The following CSMD1 variants were observed in gnomAD, a reference collection of about 807,000 sequenced individuals.
CSMD1 encodes CUB and sushi domain-containing protein 1.
Under a neutral mutation model 417.5 loss-of-function variants are expected in CSMD1, and 213 were observed. The ratio of observed to expected loss-of-function variants is 0.51; its 90% confidence interval spans 0.46 to 0.57. The LOEUF (loss-of-function observed/expected upper bound fraction) is 0.57. CSMD1 is among the 20% of genes least tolerant of loss of function. CSMD1 has a pLI of 0.00. For missense variants in CSMD1, 6,923 were observed against 4,529.7 expected, an observed-to-expected ratio of 1.53 and a Z score of -15.17; for synonymous variants, 2,862 against 1,736.8, an observed-to-expected ratio of 1.65 and a Z score of -16.11.
chr8:4,952,863 G>A (rs940849766), intron 1 of CSMD1, among the ~76,000 whole-genome samples: 5 of 152,108 alleles, frequency 3.3e-5, no homozygotes, highest in Admixed American at 2.0e-4. Context: ...CTTGTTGGAT[G>A]TAGACTGTGA....
chr8:4,497,449 T>A (rs1802035841), intron 2 of CSMD1, among the ~76,000 whole-genome samples: 1 of 152,222 alleles, frequency 6.6e-6, no homozygotes. Flanking sequence ...ATGCATAACC[T>A]TTCCAGGCCC....
At chr8:4,433,642 C>G (rs917575736) in intron 2 of CSMD1, among the ~76,000 whole-genome samples, 1 of 152,198 alleles carries the variant, frequency 6.6e-6, no homozygotes. Context: ...ATGCTCAAAT[C>G]TGCCCTTGTC....
chr8:3,074,229 C>T (rs1396126329), intron 49 of CSMD1, among the ~76,000 whole-genome samples: 1 of 152,228 alleles, frequency 6.6e-6, no homozygotes, highest in Non-Finnish European at 1.5e-5. Context: ...AAAGGCTCTC[C>T]CTCACATCCA....
intron 1 of CSMD1, chr8:4,787,730 G>A (rs1447154936): frequency 7.6e-6 from 12 of 1,589,170 alleles, no homozygotes; most frequent in South Asian, 1.1e-5. Flanking sequence ...GACCCACAGT[G>A]GTCTGAGGAA....
intron 49 of CSMD1, among the ~76,000 whole-genome samples, chr8:3,064,259 T>C (rs949448880): frequency 2.0e-5 from 3 of 152,220 alleles, no homozygotes; most frequent in African/African-American, 4.8e-5. Context: ...AAATCTCATG[T>C]TGAATTGGCG....
At chr8:4,283,843 G>T (rs898959856) in intron 3 of CSMD1, among the ~76,000 whole-genome samples, 22 of 152,246 alleles carry the variant, frequency 1.4e-4, no homozygotes, top group African/African-American at 1.9e-4. Context: ...CAGAAGCATG[G>T]CTAACAGTTT....
At chr8:4,401,918 G>A (rs1804671253) in intron 3 of CSMD1, among the ~76,000 whole-genome samples, 1 of 151,840 alleles carries the variant, frequency 6.6e-6, no homozygotes, top group Non-Finnish European at 1.5e-5. Flanking sequence ...TCCTCTTATT[G>A]AAGCCATCCA....
At chr8:3,721,761 T>C (rs1020099279) in intron 6 of CSMD1, among the ~76,000 whole-genome samples, 2 of 152,184 alleles carry the variant, frequency 1.3e-5, no homozygotes, top group African/African-American at 4.8e-5. Flanking sequence ...ATTCTTTACA[T>C]GAGGATAATA....
chr8:3,144,079 G>A (rs528892778), intron 40 of CSMD1, among the ~76,000 whole-genome samples: 5 of 152,168 alleles, frequency 3.3e-5, no homozygotes, highest in Non-Finnish European at 5.9e-5. Flanking sequence ...GCATCACGTA[G>A]GGCCAACAGT....
intron 3 of CSMD1, among the ~76,000 whole-genome samples, chr8:4,077,747 C>G (rs1459583925): frequency 1.3e-5 from 2 of 152,122 alleles, no homozygotes; most frequent in African/African-American, 2.4e-5. Context: ...TCTCTTGTCC[C>G]AATGCTATTG....
intron 44 of CSMD1, 86 bp from the exon 45 acceptor site, chr8:3,107,884 T>C: frequency 1.2e-6 from 1 of 842,488 alleles, no homozygotes; most frequent in Non-Finnish European, 1.9e-6. Flanking sequence ...ATCTTGCAGT[T>C]GTTATAATGC....
intron 4 of CSMD1, among the ~76,000 whole-genome samples, chr8:4,029,873 C>G (rs1236097856): frequency 6.6e-6 from 1 of 150,744 alleles, no homozygotes; most frequent in Non-Finnish European, 1.5e-5. Context: ...GTAAATACAG[C>G]CATTCAAAAA....
intron 1 of CSMD1, among the ~76,000 whole-genome samples, chr8:4,882,199 G>C (rs545266665): frequency 6.6e-6 from 1 of 152,060 alleles, no homozygotes; most frequent in South Asian, 2.1e-4. Context: ...GGTGTACACT[G>C]CGTGGTGGAT....
chr8:4,697,102 G>C lies in CSMD1; in HGVS notation c.86-59544C>G, dbSNP rs374564111. On this transcript the variant is annotated intron_variant, in intron 1 of 69. Coordinates refer to ENST00000635120, the MANE Select transcript of CSMD1 (RefSeq NM_033225.6). ...CAGGAGAATTGCTTGAACCCAGGAGGGGGAGGTTGCAGTGAGCCGAGATCG... is the reference window on the plus strand; with the variant it reads ...CAGGAGAATTGCTTGAACCCAGGAGCGGGAGGTTGCAGTGAGCCGAGATCG... Among the ~76,000 whole-genome samples the C allele has an allele frequency of 2.6e-5, 4 of 152,092 alleles. No homozygotes were observed. The East Asian group carries it at 5.8e-4, about 22-fold the overall frequency.
chr8:3,838,662 T>C lies in CSMD1; in HGVS notation c.819-84620A>G, dbSNP rs541824517. 2.3e-4 allele frequency among the ~76,000 whole-genome samples: 27 copies of C among 115,340 alleles called. No homozygotes were observed. The South Asian group carries it at 6.4e-3, about 28-fold the overall frequency. The allele number at this position is 115,340 out of a possible 152,430, so 75.7% of individuals were successfully genotyped here. On this transcript the variant is annotated intron_variant, in intron 5 of 69. Transcript: ENST00000635120. ...AATTAATATTATATAGTATAATATATAATAAATTAATATTATATAGTATAA... is the reference window on the plus strand; with the variant it reads ...AATTAATATTATATAGTATAATATACAATAAATTAATATTATATAGTATAA...
intron 5 of CSMD1, among the ~76,000 whole-genome samples, chr8:3,961,930 C>T (rs1362747352): frequency 2.6e-5 from 4 of 152,152 alleles, no homozygotes; most frequent in South Asian, 2.1e-4. Flanking sequence ...TGGGCTTGGG[C>T]GCTTTCTTCC....
At chr8:2,944,533 T>A (rs7826155) in intron 68 of CSMD1, among the ~76,000 whole-genome samples, 4,239 of 152,282 alleles carry the variant, frequency 0.028, 200 homozygotes, top group African/African-American at 0.098. Context: ...GAGGGAATGT[T>A]CACACGGACT....
In CSMD1 at chr8:3,468,569, C is replaced by T. The variant is rs868092051; in HGVS notation, c.1561+143G>A. The T allele has an allele frequency of 2.6e-5, 15 of 587,074 alleles. No individual in the cohort carries two copies. In the Middle Eastern group the frequency reaches 3.7e-3, roughly 143 times the overall value. The allele number at this position is 587,074 out of a possible 1,614,324, so 36.4% of individuals were successfully genotyped here. On this transcript the variant is annotated intron_variant, in intron 12 of 69. Coordinates refer to ENST00000635120, the MANE Select transcript of CSMD1 (RefSeq NM_033225.6). ...ATTCACGAAAGCGAGTGTTAGTAGA[C>T]TTTAAGGAAGTTCCCGTCATGATTC... is the stretch of plus-strand genomic sequence containing the variant.
At chr8:3,819,495 C>G (rs764594067) in intron 5 of CSMD1, among the ~76,000 whole-genome samples, 4 of 151,850 alleles carry the variant, frequency 2.6e-5, no homozygotes, top group Non-Finnish European at 1.5e-5. Context: ...TCTTTCTATT[C>G]TCCAAGAATG....
Sources: allele counts gnomAD v4.1 joint callset (sites outside exome capture counted in the v4.1 genomes callset), GRCh38; gene constraint gnomAD v4.1.1; transcripts MANE v1.5; gene names NCBI Gene and HGNC (gene_info 2026-07-23, HGNC 2026-07-21).